The following KMT2C variants were observed in gnomAD, a reference collection of about 807,000 sequenced individuals.
KMT2C encodes the protein histone-lysine N-methyltransferase 2C.
A neutral mutation model predicts 507.9 loss-of-function variants in KMT2C; 88 were observed. The observed-to-expected ratio is 0.17, with a 90% CI of 0.15 to 0.21. The LOEUF (loss-of-function observed/expected upper bound fraction) is 0.21. Ranked by LOEUF, KMT2C falls within the 10% of genes least tolerant of loss-of-function variation. The pLI, the probability that KMT2C is intolerant of heterozygous loss-of-function variation, is 1.00. For missense variants in KMT2C, 4,954 were observed against 5,957.8 expected, an observed-to-expected ratio of 0.83 and a Z score of 5.55; for synonymous variants, 2,049 against 2,080.8, an observed-to-expected ratio of 0.98 and a Z score of 0.42.
At chr7:152,258,555 A>G (rs1308226885) in intron 9 of KMT2C, among the ~76,000 whole-genome samples, 3 of 151,802 alleles carry the variant, frequency 2.0e-5, no homozygotes, top group Non-Finnish European at 4.4e-5. Context: ...GACAGAGTCT[A>G]TCTCTGTCAC....
At chr7:152,426,805 T>C (rs2097823418) in intron 1 of KMT2C, among the ~76,000 whole-genome samples, 1 of 152,152 alleles carries the variant, frequency 6.6e-6, no homozygotes, top group Non-Finnish European at 1.5e-5. Context: ...CACAAAAAAT[T>C]TAAGTAACTT....
chr7:152,142,567 A>G (rs1196498818), intron 55 of KMT2C, among the ~76,000 whole-genome samples: 2 of 152,280 alleles, frequency 1.3e-5, no homozygotes, highest in African/African-American at 4.8e-5. Context: ...ACGCTTTTAC[A>G]CAGAAACCTC....
intron 6 of KMT2C, among the ~76,000 whole-genome samples, chr7:152,304,548 A>G (rs2096598411): frequency 6.6e-6 from 1 of 152,214 alleles, no homozygotes; most frequent in Non-Finnish European, 1.5e-5. Flanking sequence ...AAAATGTTCA[A>G]CGCCCCAGGA....
intron 5 of KMT2C, among the ~76,000 whole-genome samples, chr7:152,310,407 C>G (rs1440560043): frequency 6.6e-6 from 1 of 152,078 alleles, no homozygotes; most frequent in African/African-American, 2.4e-5. Context: ...AAAACCCTGT[C>G]TCTACAAATT....
chr7:152,207,205 T>G (rs2129138295), intron 24 of KMT2C, 95 bp downstream of exon 24: 2 of 1,168,044 alleles, frequency 1.7e-6, no homozygotes, highest in Non-Finnish European at 2.4e-6. Context: ...TTCTGAAGCC[T>G]GAATATTTAA....
intron 3 of KMT2C, among the ~76,000 whole-genome samples, chr7:152,323,689 G>GGAAA (rs1224103386): frequency 3.4e-5 from 5 of 144,942 alleles, no homozygotes; most frequent in African/African-American, 7.9e-5. Context: ...AAGAAAAAAA[G>GGAAA]GAAAGAAGGA....
intron 16 of KMT2C, among the ~76,000 whole-genome samples, chr7:152,230,580 C>T (rs2095077193): frequency 6.6e-6 from 1 of 152,128 alleles, no homozygotes; most frequent in Non-Finnish European, 1.5e-5. Flanking sequence ...CTTAGTAAGA[C>T]TTGATTATGC....
At chr7:152,328,533 T>C (rs1010715747) in intron 3 of KMT2C, among the ~76,000 whole-genome samples, 2 of 152,186 alleles carry the variant, frequency 1.3e-5, no homozygotes, top group African/African-American at 4.8e-5. Context: ...TCACACCTTG[T>C]AGACATGGTA....
At position 152,288,727 on chromosome 7, in the gene KMT2C, G is replaced by C. The variant is rs7799729; in HGVS notation, c.850-14860C>G. On this transcript the variant is annotated intron_variant, in intron 6 of 58. Coordinates refer to ENST00000262189, the MANE Select transcript of KMT2C (RefSeq NM_170606.3). ...AGAGGATACACACAAATAAATCAAT[G>C]CTAATATATATCATAAACTTCTGAA... Among the ~76,000 whole-genome samples the C allele has an allele frequency of 8.2e-3, 1,254 of 152,062 alleles. 16 individuals are homozygous for C. Among genetic ancestry groups the C allele is most frequent in the African/African-American group, 0.029 (1,202 of 41,466 alleles).
rs1482538393 is a variant in KMT2C, at chr7:152,248,579, T to C, written c.1855A>G (p.Ile619Val). 1.2e-6 allele frequency: 2 copies of C among 1,613,358 alleles called. No homozygotes were observed. The highest frequency in any genetic ancestry group is 1.7e-6 in the Non-Finnish European group (2 of 1,179,454). ...HTVNTELEKQ[I>V]SNEVDSEDLK... ...TCTTCACTATCAACTTCATTAGAAATCTGTTTTTCCAATTCAGTATTCACT... is the reference window on the plus strand; with the variant it reads ...TCTTCACTATCAACTTCATTAGAAACCTGTTTTTCCAATTCAGTATTCACT... The change falls in exon 14 of 59, where the codon ATT (isoleucine) becomes GTT (valine). Residue 619 changes from isoleucine to valine, a missense_variant. Ile to Val is a conservative substitution (Grantham distance 29). Coordinates refer to ENST00000262189, the MANE Select transcript of KMT2C (RefSeq NM_170606.3).
intron 3 of KMT2C, among the ~76,000 whole-genome samples, chr7:152,325,049 A>G (rs1186199057): frequency 1.3e-5 from 2 of 151,934 alleles, no homozygotes; most frequent in Non-Finnish European, 2.9e-5. Context: ...TTTGTTAGTT[A>G]TATGCTTTAG....
At chr7:152,157,621 T>C (rs531305805) in intron 44 of KMT2C, 1 of 415,104 alleles carries the variant, frequency 2.4e-6, no homozygotes, top group East Asian at 1.3e-4. Context: ...AGGTAAAATT[T>C]TAACCCTGTA....
At chr7:152,143,413 G>T (rs966554556) in intron 55 of KMT2C, among the ~76,000 whole-genome samples, 5 of 152,238 alleles carry the variant, frequency 3.3e-5, no homozygotes, top group African/African-American at 1.2e-4. Flanking sequence ...ATATAAGACA[G>T]AAATTACTCT....
intron 46 of KMT2C, among the ~76,000 whole-genome samples, chr7:152,155,196 A>G (rs1033596796): frequency 6.6e-6 from 1 of 152,212 alleles, no homozygotes. Context: ...GGTACAGTAG[A>G]AAGAGGACCT....
At chr7:152,311,670 ATTTT>A (rs925676725) in intron 5 of KMT2C, 124 bp downstream of exon 5, 1 of 704,262 alleles carries the variant, frequency 1.4e-6, no homozygotes, top group Admixed American at 3.3e-5. Context: ...TTTAATAATG[ATTTT>A]TTTATAGTAT....
At chr7:152,255,941 G>A (rs1024747615) in intron 9 of KMT2C, among the ~76,000 whole-genome samples, 3 of 152,200 alleles carry the variant, frequency 2.0e-5, no homozygotes, top group Non-Finnish European at 2.9e-5. Context: ...GGCCGAGGCA[G>A]GCAGATCAAT....
At chr7:152,233,330 T>C (rs2095179542) in intron 16 of KMT2C, among the ~76,000 whole-genome samples, 1 of 152,174 alleles carries the variant, frequency 6.6e-6, no homozygotes, top group African/African-American at 2.4e-5. Flanking sequence ...GATAATAGTG[T>C]GATTTATCCA....
intron 3 of KMT2C, among the ~76,000 whole-genome samples, chr7:152,328,021 A>T (rs965732136): frequency 6.6e-6 from 1 of 152,140 alleles, no homozygotes; most frequent in African/African-American, 2.4e-5. Context: ...TCCGTCAGGA[A>T]CTATTAAGTG....
chr7:152,392,628 A>G (rs894394826), intron 1 of KMT2C, among the ~76,000 whole-genome samples: 1 of 152,242 alleles, frequency 6.6e-6, no homozygotes, highest in African/African-American at 2.4e-5. Flanking sequence ...ACCACCAGGA[A>G]GCACAATTTC....
Sources: gnomAD v4.1 joint callset for allele counts (sites outside exome capture counted in the v4.1 genomes callset) on GRCh38, gnomAD v4.1.1 for gene constraint, MANE v1.5 for transcripts, NCBI Gene and HGNC (gene_info 2026-07-23, HGNC 2026-07-21) for gene names.